Variants in PCDHGB7 observed in about 807,000 individuals in gnomAD.
PCDHGB7 encodes the protein protocadherin gamma-B7.
Under a neutral mutation model 61.4 loss-of-function variants are expected in PCDHGB7, and 37 were observed. The ratio of observed to expected loss-of-function variants is 0.60; its 90% CI spans 0.46 to 0.79. PCDHGB7 has a LOEUF of 0.79. Ranked by LOEUF, PCDHGB7 falls within the 30% of genes least tolerant of loss-of-function variation. The pLI is 0.00. For synonymous variants in PCDHGB7, 464 were observed against 503.5 expected, an observed-to-expected ratio of 0.92 and a Z score of 1.05; for missense variants, 1,166 against 1,202.5, an observed-to-expected ratio of 0.97 and a Z score of 0.45.
At chr5:141,497,020 C>T (rs138768677) in intron 2 of PCDHGB7, among the ~76,000 whole-genome samples, 8 of 152,122 alleles carry the variant, frequency 5.3e-5, no homozygotes, top group African/African-American at 1.7e-4. Flanking sequence ...GAAACCCCAT[C>T]TCGATTAAAA....
At position 141,431,274 on chromosome 5, in the gene PCDHGB7, TC is replaced by T. The variant is rs767658803; in HGVS notation, c.2415+11001del. On this transcript the variant is annotated intron_variant, in intron 1 of 3. Transcript: ENST00000398594. The surrounding 1 kb of genome is among the most constrained non-coding windows in gnomAD (Gnocchi z 4.8). ...AAGAACTCTCTGCAGAGCTACGAGC[TC>T]AGCCCGAACACTCACTTCTCCCTCA... 6 of 1,614,128 alleles carry T rather than the reference TC, an allele frequency of 3.7e-6. No homozygotes were observed. Among genetic ancestry groups the T allele is most frequent in the Non-Finnish European group, 5.1e-6 (6 of 1,180,024 alleles).
rs144317211 is a variant in PCDHGB7 at position 141,432,088 on chromosome 5, A to G, written c.2415+11814A>G. On this transcript the variant is annotated intron_variant, in intron 1 of 3. Transcript: ENST00000398594. This position sits in a 1 kb window ranked among gnomAD's most constrained non-coding sequence, Gnocchi z 6.0. Reference sequence around the variant, plus strand: ...AAACTCATATCTCGCTGAACGTGGCAGACACCAACGACAACCCGCCGGTCT... The same window carrying G: ...AAACTCATATCTCGCTGAACGTGGCGGACACCAACGACAACCCGCCGGTCT... The G allele has an allele frequency of 6.2e-7, 1 of 1,614,148 alleles. No individual in the cohort carries two copies. Among genetic ancestry groups the G allele is most frequent in the South Asian group, 1.1e-5 (1 of 91,074 alleles).
At chr5:141,430,557 G>C (rs1161595629) in intron 1 of PCDHGB7, 5 of 412,906 alleles carry the variant, frequency 1.2e-5, no homozygotes, top group Non-Finnish European at 1.7e-5. Context: ...TTCACCAATC[G>C]GGGAGAGAAA....
intron 2 of PCDHGB7, among the ~76,000 whole-genome samples, chr5:141,496,334 G>T (rs959266723): frequency 2.6e-5 from 4 of 152,240 alleles, no homozygotes; most frequent in Admixed American, 6.5e-5. Context: ...GAAGTCAGGA[G>T]CCTGGAGGAG....
At chr5:141,430,661 G>A in intron 1 of PCDHGB7, 1 of 1,159,744 alleles carries the variant, frequency 8.6e-7, no homozygotes, top group South Asian at 2.1e-5. Context: ...CAACGGAGGA[G>A]CTCTGACTTC....
In PCDHGB7 at chr5:141,486,370, T is replaced by A; in HGVS notation, c.2416-8437T>A. On this transcript the variant is annotated intron_variant, in intron 1 of 3. Transcript: ENST00000398594. This position sits in a 1 kb window ranked among gnomAD's most constrained non-coding sequence, Gnocchi z 5.0. ...ACCACTTGCCATTTGCCCTCAAGTC[T>A]GCCTTCAGGAACCAGTTCTCCCTGG... 1 of 1,614,106 alleles carries A rather than the reference T, an allele frequency of 6.2e-7. No homozygotes were observed. The highest frequency in any genetic ancestry group is 8.5e-7 in the Non-Finnish European group (1 of 1,179,986).
intron 1 of PCDHGB7, among the ~76,000 whole-genome samples, chr5:141,455,860 A>T (rs1032468147): frequency 1.4e-5 from 2 of 139,848 alleles, no homozygotes; most frequent in South Asian, 2.3e-4. Context: ...AATTTCTTTT[A>T]TTATTTATTT....
chr5:141,444,467 G>C (rs1288596542), intron 1 of PCDHGB7, among the ~76,000 whole-genome samples: 2 of 151,998 alleles, frequency 1.3e-5, no homozygotes, highest in Admixed American at 6.6e-5. Flanking sequence ...CACTGCGCCC[G>C]GTCGCGTACT....
rs1009141449 is a variant in PCDHGB7, at chr5:141,491,922, G to A, written c.2416-2885G>A. 2 of 1,349,026 alleles carry A rather than the reference G, an allele frequency of 1.5e-6. No individual in the cohort carries two copies. Among genetic ancestry groups the A allele is most frequent in the African/African-American group, 1.5e-5 (1 of 67,598 alleles). The allele number at this position is 1,349,026 out of a possible 1,614,324, so 83.6% of individuals were successfully genotyped here. On this transcript the variant is annotated intron_variant, in intron 1 of 3. Coordinates refer to ENST00000398594, the MANE Select transcript of PCDHGB7 (RefSeq NM_018927.4). The surrounding 1 kb of genome is among the most constrained non-coding windows in gnomAD (Gnocchi z 6.9). ...CGGGGGTGGTGGCGACTGTGGGCGAGGGGAGGTGGGACCGACCCCCACCCC... is the reference window on the plus strand; with the variant it reads ...CGGGGGTGGTGGCGACTGTGGGCGAAGGGAGGTGGGACCGACCCCCACCCC...
chr5:141,505,645 G>A (rs997169182), intron 3 of PCDHGB7, 164 bp downstream of exon 3: 2 of 964,274 alleles, frequency 2.1e-6, no homozygotes, highest in African/African-American at 1.8e-5. Flanking sequence ...GCCTGGAATT[G>A]TGGCTAAGGA....
In PCDHGB7 at chr5:141,485,956, C is replaced by T. The variant is rs1430530851; in HGVS notation, c.2416-8851C>T. 1 of 1,614,150 alleles carries T rather than the reference C, an allele frequency of 6.2e-7. No individual in the cohort carries two copies. Among genetic ancestry groups the T allele is most frequent in the South Asian group, 1.1e-5 (1 of 91,074 alleles). ...AGAGCGCACCAGCGGGCATGGTGCT[C>T]ATCCAGCTCAATGCCTCAGACCCGG... On this transcript the variant is annotated intron_variant, in intron 1 of 3. Coordinates refer to ENST00000398594, the MANE Select transcript of PCDHGB7 (RefSeq NM_018927.4). This position sits in a 1 kb window ranked among gnomAD's most constrained non-coding sequence, Gnocchi z 5.7.
At chr5:141,435,593 G>A (rs183768133) in intron 1 of PCDHGB7, among the ~76,000 whole-genome samples, 9 of 152,112 alleles carry the variant, frequency 5.9e-5, no homozygotes, top group Admixed American at 2.6e-4. Flanking sequence ...CAGTAATATC[G>A]CCTGCTTTTT....
intron 3 of PCDHGB7, among the ~76,000 whole-genome samples, chr5:141,506,429 A>G (rs1406730781): frequency 7.0e-6 from 1 of 143,144 alleles, no homozygotes; most frequent in Non-Finnish European, 1.5e-5. Flanking sequence ...CCTGGGCAAC[A>G]GTCTCGCTCT....
chr5:141,473,147 T>A (rs2099315103), intron 1 of PCDHGB7, among the ~76,000 whole-genome samples: 1 of 152,222 alleles, frequency 6.6e-6, no homozygotes, highest in Admixed American at 6.5e-5. Flanking sequence ...TCTCTTCAGA[T>A]CACTAGGGCT....
chr5:141,419,209 G>A lies in PCDHGB7; in HGVS notation c.1350G>A (p.Pro450=), dbSNP rs541061354. 11 of 1,613,900 alleles carry A rather than the reference G, an allele frequency of 6.8e-6. No homozygotes were observed. The highest frequency in any genetic ancestry group is 5.5e-5 in the South Asian group (5 of 91,076). ...TTACTGACGTCAATGACAACGCGCCGGTTTTCGGACAGTCAGCCTACCTGG... is the reference window on the plus strand; with the variant it reads ...TTACTGACGTCAATGACAACGCGCCAGTTTTCGGACAGTCAGCCTACCTGG... ...LHITDVNDNA[P]VFGQSAYLVH... The change falls in exon 1 of 4, where the codon CCG becomes CCA. Residue 450 remains proline (P), a synonymous_variant. Transcript: ENST00000398594.
At chr5:141,507,724 G>A (rs2099862962) in intron 3 of PCDHGB7, among the ~76,000 whole-genome samples, 1 of 152,256 alleles carries the variant, frequency 6.6e-6, no homozygotes. Context: ...CTCCAAGCAA[G>A]TCATGCAGCT....
rs746838072 is a variant in PCDHGB7 at position 141,486,116 on chromosome 5, T to A, written c.2416-8691T>A. ...GCCCCTAGACTTTGAGAGTGAGAATTACTATGAATTTGATGTGCGGGCTCG... is the reference window on the plus strand; with the variant it reads ...GCCCCTAGACTTTGAGAGTGAGAATAACTATGAATTTGATGTGCGGGCTCG... On this transcript the variant is annotated intron_variant, in intron 1 of 3. Coordinates refer to ENST00000398594, the MANE Select transcript of PCDHGB7 (RefSeq NM_018927.4). This position sits in a 1 kb window ranked among gnomAD's most constrained non-coding sequence, Gnocchi z 5.0. 1.1e-5 allele frequency: 17 copies of A among 1,613,638 alleles called. No homozygotes were observed. Among genetic ancestry groups the A allele is most frequent in the Non-Finnish European group, 1.4e-5 (17 of 1,179,610 alleles).
At chr5:141,458,130 C>A (rs1441742986) in intron 1 of PCDHGB7, among the ~76,000 whole-genome samples, 2 of 152,248 alleles carry the variant, frequency 1.3e-5, no homozygotes, top group African/African-American at 4.8e-5. Flanking sequence ...AGGAACCAGG[C>A]AGAGAAAAAT....
chr5:141,454,798 T>A (rs866302149), intron 1 of PCDHGB7, among the ~76,000 whole-genome samples: 2 of 58,950 alleles, frequency 3.4e-5, no homozygotes, highest in Non-Finnish European at 6.4e-5. Context: ...TGGTTCTAAT[T>A]TTTTTTTTTT....
Sources: gnomAD v4.1 joint callset for allele counts (sites outside exome capture counted in the v4.1 genomes callset) on GRCh38, gnomAD v4.1.1 for gene constraint, Gnocchi (gnomAD v3.1) non-coding constraint, MANE v1.5 for transcripts, NCBI Gene and HGNC (gene_info 2026-07-23, HGNC 2026-07-21) for gene names.